SCG3: variants seen among roughly 807,000 people sequenced by gnomAD.
SCG3 encodes the protein secretogranin-3.
Under a neutral mutation model 56.2 loss-of-function variants are expected in SCG3, and 38 were observed. The observed-to-expected ratio is 0.68, with a 90% CI of 0.52 to 0.89. SCG3 has a LOEUF of 0.89. Ranked by LOEUF, SCG3 falls within the 40% of genes least tolerant of loss-of-function variation. SCG3 has a pLI of 0.00. For missense variants in SCG3, 524 were observed against 540.7 expected, an observed-to-expected ratio of 0.97 and a Z score of 0.31; for synonymous variants, 176 against 184.2, an observed-to-expected ratio of 0.96 and a Z score of 0.36.
intron 9 of SCG3, among the ~76,000 whole-genome samples, chr15:51,700,317 TA>T (rs921355463): frequency 1.3e-5 from 2 of 152,138 alleles, no homozygotes; most frequent in Non-Finnish European, 2.9e-5. Flanking sequence ...TTTTCTACAA[TA>T]AAAAAACACT....
intron 11 of SCG3, among the ~76,000 whole-genome samples, chr15:51,718,577 G>A (rs895565927): frequency 6.6e-6 from 1 of 152,128 alleles, no homozygotes; most frequent in South Asian, 2.1e-4. Context: ...ACAGAAAGCA[G>A]CGTTCTGTCT....
intron 10 of SCG3, among the ~76,000 whole-genome samples, chr15:51,702,909 C>A (rs770691797): frequency 6.6e-6 from 1 of 152,118 alleles, no homozygotes; most frequent in Non-Finnish European, 1.5e-5. Flanking sequence ...GGAGGCTGCA[C>A]CACTGTACTT....
In SCG3 at chr15:51,681,818, C is replaced by T. The variant is rs953926938; in HGVS notation, c.63C>T (p.Pro21=). 1.2e-6 allele frequency: 2 copies of T among 1,614,054 alleles called. No individual in the cohort carries two copies. The highest frequency in any genetic ancestry group is 1.7e-6 in the Non-Finnish European group (2 of 1,179,936). The change falls in exon 1 of 12, where the codon CCC becomes CCT. Residue 21 remains proline (P), a synonymous_variant. Coordinates refer to ENST00000220478, the MANE Select transcript of SCG3 (RefSeq NM_013243.4). The part of the protein sequence containing the change: ...LVLVLPIQAF[P]KPGGSQDKSL... Reference sequence around the variant, plus strand: ...TAGTGCTCCCGATTCAAGCTTTCCCCAAACCTGGAGGAAGCCAAGGTATGT... The same window carrying T: ...TAGTGCTCCCGATTCAAGCTTTCCCTAAACCTGGAGGAAGCCAAGGTATGT...
chr15:51,712,704 G>A (rs1284877428), intron 10 of SCG3, among the ~76,000 whole-genome samples: 1 of 152,174 alleles, frequency 6.6e-6, no homozygotes, highest in African/African-American at 2.4e-5. Context: ...GTATTCTCAT[G>A]CCACACTTGA....
intron 5 of SCG3, 41 bp from the exon 6 acceptor site, chr15:51,689,178 G>T: frequency 2.5e-6 from 4 of 1,585,980 alleles, no homozygotes; most frequent in Non-Finnish European, 3.4e-6. Flanking sequence ...TAACAAGACT[G>T]GGAATATAGC....
intron 4 of SCG3, among the ~76,000 whole-genome samples, chr15:51,685,404 A>C (rs538984649): frequency 6.6e-6 from 1 of 152,332 alleles, no homozygotes; most frequent in South Asian, 2.1e-4. Flanking sequence ...CTGACCGCTA[A>C]TTTGAGCAAC....
At chr15:51,718,813 A>C (rs551182585) in intron 11 of SCG3, among the ~76,000 whole-genome samples, 1 of 152,270 alleles carries the variant, frequency 6.6e-6, no homozygotes, top group African/African-American at 2.4e-5. Flanking sequence ...ATACAATTCA[A>C]ACAGCATGAA....
At chr15:51,703,683 A>C (rs2055352521) in intron 10 of SCG3, among the ~76,000 whole-genome samples, 1 of 152,134 alleles carries the variant, frequency 6.6e-6, no homozygotes, top group African/African-American at 2.4e-5. Context: ...AGACACCCAA[A>C]CCTGGGTTAT....
At chr15:51,709,887 A>ATTTTTTTTTTTTT (rs67775073) in intron 10 of SCG3, among the ~76,000 whole-genome samples, 17 of 84,800 alleles carry the variant, frequency 2.0e-4, no homozygotes, top group Admixed American at 2.8e-4. Context: ...CGCCCGGCTA[A>ATTTTTTTTTTTTT]TTTTTTTTTT....
At chr15:51,716,932 T>C (rs1215155664) in intron 11 of SCG3, among the ~76,000 whole-genome samples, 1 of 152,128 alleles carries the variant, frequency 6.6e-6, no homozygotes, top group Non-Finnish European at 1.5e-5. Flanking sequence ...GTTCAGTTAA[T>C]TTGCTAGAGT....
intron 10 of SCG3, among the ~76,000 whole-genome samples, chr15:51,709,887 A>ATTTTTTTTTTTT (rs67775073): frequency 1.4e-4 from 12 of 84,810 alleles, no homozygotes; most frequent in Non-Finnish European, 1.5e-4. Context: ...CGCCCGGCTA[A>ATTTTTTTTTTTT]TTTTTTTTTT....
rs1038629386 is a variant in SCG3 at position 51,704,258 on chromosome 15, T to C, written c.1207+3014T>C. Among the ~76,000 whole-genome samples, 253 of 132,498 alleles carry C rather than the reference T, an allele frequency of 1.9e-3. 4 individuals are homozygous for C. Among genetic ancestry groups the C allele is most frequent in the Admixed American group, 3.7e-3 (50 of 13,544 alleles). 86.9% of individuals were successfully genotyped at this position (132,498 alleles called of 152,430 possible). On this transcript the variant is annotated intron_variant, in intron 10 of 11. Coordinates refer to ENST00000220478, the MANE Select transcript of SCG3 (RefSeq NM_013243.4). ...ATACATACATACATATATATATATA[T>C]ATATATATATATATATATATAAAAT...
Position 51,695,869 on chromosome 15 carries a change from A to T in SCG3, c.869-6A>T, listed in dbSNP as rs753045909. The T allele has an allele frequency of 2.0e-6, 3 of 1,497,898 alleles. No homozygotes were observed. Among genetic ancestry groups the T allele is most frequent in the Non-Finnish European group, 2.8e-6 (3 of 1,078,158 alleles). 92.8% of individuals were successfully genotyped at this position (1,497,898 alleles called of 1,614,324 possible). A position where few individuals can be genotyped will look rare whatever the true frequency, so the allele number is the denominator to read the frequency against. ...CAGTTTTAAGTTATTTTGTTCTTTC[A>T]TATAGAAAAAGAAGCAAAAGAGAAA... On this transcript the variant is annotated splice_polypyrimidine_tract_variant and splice_region_variant and intron_variant, in intron 7 of 11. Coordinates refer to ENST00000220478, the MANE Select transcript of SCG3 (RefSeq NM_013243.4).
chr15:51,682,634 T>A, intron 2 of SCG3, 65 bp downstream of exon 2: 1 of 951,622 alleles, frequency 1.1e-6, no homozygotes, highest in Non-Finnish European at 1.6e-6. Flanking sequence ...TTTAATGTAA[T>A]TATGCTGTGA....
chr15:51,712,717 C>A (rs1216568284), intron 10 of SCG3, among the ~76,000 whole-genome samples: 1 of 152,158 alleles, frequency 6.6e-6, no homozygotes, highest in Non-Finnish European at 1.5e-5. Context: ...ACACTTGAGG[C>A]CCATCGAACA....
chr15:51,719,407 G>C lies in SCG3; in HGVS notation c.1289-1G>C. On this transcript the variant is annotated splice_acceptor_variant, in intron 11 of 11. Transcript: ENST00000220478. LOFTEE classifies it high-confidence loss of function. ...CATTATGCTCTAATAATATTTTCCA[G>C]ATTATGACCTTTCAAAGATGAGAGA... 1 of 1,607,800 alleles carries C rather than the reference G, an allele frequency of 6.2e-7. No homozygotes were observed. Among genetic ancestry groups the C allele is most frequent in the Non-Finnish European group, 8.5e-7 (1 of 1,174,596 alleles).
intron 6 of SCG3, among the ~76,000 whole-genome samples, chr15:51,690,931 G>C (rs1255925992): frequency 6.6e-6 from 1 of 152,116 alleles, no homozygotes; most frequent in Non-Finnish European, 1.5e-5. Context: ...GACTCATGAA[G>C]CTCAAAGTCT....
chr15:51,696,435 A>G (rs1172495716), intron 8 of SCG3, among the ~76,000 whole-genome samples: 2 of 152,134 alleles, frequency 1.3e-5, no homozygotes, highest in African/African-American at 2.4e-5. Context: ...CTGTAGTTCC[A>G]GCTACTCAGG....
intron 7 of SCG3, chr15:51,693,464 A>G (rs1041445732): frequency 6.6e-6 from 1 of 152,186 alleles, no homozygotes; most frequent in African/African-American, 2.4e-5. Flanking sequence ...TAAGTATTTC[A>G]TGCATCCTGA....
Sources: gnomAD v4.1 joint callset for allele counts (sites outside exome capture counted in the v4.1 genomes callset) on GRCh38, gnomAD v4.1.1 for gene constraint, MANE v1.5 for transcripts, NCBI Gene and HGNC (gene_info 2026-07-23, HGNC 2026-07-21) for gene names.